The following FCRL5 variants were observed in gnomAD, a reference collection of about 807,000 sequenced individuals.
The protein encoded by FCRL5 is Fc receptor-like protein 5.
Under a neutral mutation model 92.1 loss-of-function variants are expected in FCRL5, and 79 were observed. That is an observed-to-expected ratio of 0.86 (90% CI 0.72 to 1.03). The LOEUF is 1.03. FCRL5 is among the 50% of genes least tolerant of loss of function. FCRL5 has a pLI of 0.00. For missense variants in FCRL5, 1,160 were observed against 1,181.1 expected (o/e 0.98, Z 0.26); for synonymous variants, 466 against 469.3 (o/e 0.99, Z 0.09).
At position 157,538,640 on chromosome 1, in the gene FCRL5, G is replaced by A. The variant is rs1972241; in HGVS notation, c.1402+446C>T. On this transcript the variant is annotated intron_variant, in intron 7 of 16. Transcript: ENST00000361835. ...CATGTTGGGTTAACTGTGATCCAGC[G>A]ACTTGTCTTTGTGTCTTACATGACT... 9.6e-3 allele frequency among the ~76,000 whole-genome samples: 1,457 copies of A among 152,320 alleles called. 14 individuals are homozygous for A. Among genetic ancestry groups the A allele is most frequent in the African/African-American group, 0.015 (633 of 41,570 alleles).
In FCRL5 at chr1:157,519,726, T is replaced by G. The variant is rs1332714; in HGVS notation, c.2660+17A>C. Reference sequence around the variant, plus strand: ...GGACATTTCACTAATCACACAGGAATGCAGCTCAGCTCTTACCTGGCGGGG... The same window carrying G: ...GGACATTTCACTAATCACACAGGAAGGCAGCTCAGCTCTTACCTGGCGGGG... On this transcript the variant is annotated intron_variant, in intron 13 of 16. Coordinates refer to ENST00000361835, the MANE Select transcript of FCRL5 (RefSeq NM_031281.3). 451,484 of 1,610,896 alleles carry G rather than the reference T, an allele frequency of 0.28. 67,239 individuals are homozygous for G. Among genetic ancestry groups the G allele is most frequent in the Middle Eastern group, 0.34 (2,038 of 6,014 alleles).
intron 7 of FCRL5, among the ~76,000 whole-genome samples, chr1:157,535,512 A>T (rs1429940080): frequency 7.9e-5 from 12 of 152,162 alleles, no homozygotes. Context: ...ACCTACATTT[A>T]TCATCTCTAC....
rs542784301 is a variant in FCRL5, at chr1:157,542,975, T to G, written c.1007A>C (p.Glu336Ala). The G allele has an allele frequency of 6.2e-7, 1 of 1,614,210 alleles. No homozygotes were observed. The highest frequency in any genetic ancestry group is 2.2e-5 in the East Asian group (1 of 44,890). The change falls in exon 6 of 17, where the codon GAA becomes GCA. Residue 336 changes from glutamate to alanine, a missense_variant. By Grantham distance (107) the Glu-to-Ala change is moderately radical. Coordinates refer to ENST00000361835, the MANE Select transcript of FCRL5 (RefSeq NM_031281.3). ...TGAGAAGCTGATGGATGCTCCCCTT[T>G]CACAGCGGACTGACTTGTGCCTCAG... Reference protein sequence around the residue: ...VPLRHKSVRCERGASISFSLT... With the variant: ...VPLRHKSVRCARGASISFSLT...
At chr1:157,546,414 C>G in intron 3 of FCRL5, 22 of 324,624 alleles carry the variant, frequency 6.8e-5, no homozygotes, top group Non-Finnish European at 9.7e-5. Context: ...CGCCACTGCA[C>G]TCCAGCCTGG....
intron 7 of FCRL5, among the ~76,000 whole-genome samples, chr1:157,538,467 T>A (rs1651083097): frequency 6.6e-6 from 1 of 152,218 alleles, no homozygotes; most frequent in South Asian, 2.1e-4. Flanking sequence ...ATGTCATAAC[T>A]ATTTGACAGT....
At chr1:157,531,926 T>C (rs1571090659) in intron 8 of FCRL5, 1 of 152,166 alleles carries the variant, frequency 6.6e-6, no homozygotes, top group Admixed American at 6.5e-5. Flanking sequence ...TGATGGTTAA[T>C]GGTCAGTTAT....
At chr1:157,527,578 G>T (rs549616196) in intron 9 of FCRL5, 39 bp downstream of exon 9, 5 of 1,533,064 alleles carry the variant, frequency 3.3e-6, no homozygotes, top group South Asian at 2.6e-5. Flanking sequence ...TAGGGGAGAT[G>T]GTCTTTTTAT....
At chr1:157,525,757 G>A (rs1479104349) in intron 9 of FCRL5, among the ~76,000 whole-genome samples, 1 of 152,174 alleles carries the variant, frequency 6.6e-6, no homozygotes, top group East Asian at 1.9e-4. Context: ...TGAGGGGTGA[G>A]GAAGAGAAAT....
chr1:157,543,404 G>A (rs1376582159), intron 5 of FCRL5, among the ~76,000 whole-genome samples: 1 of 152,164 alleles, frequency 6.6e-6, no homozygotes, highest in Non-Finnish European at 1.5e-5. Context: ...GGATTTATTT[G>A]CCATTGCTAG....
At chr1:157,549,696 A>G in intron 1 of FCRL5, 116 bp from the exon 2 acceptor site, 1 of 769,994 alleles carries the variant, frequency 1.3e-6, no homozygotes. Flanking sequence ...AATTCATTTA[A>G]AAACTCTAAT....
intron 9 of FCRL5, 41 bp downstream of exon 9, chr1:157,527,576 A>T: frequency 6.5e-7 from 1 of 1,530,162 alleles, no homozygotes; most frequent in South Asian, 1.3e-5. Context: ...GTTAGGGGAG[A>T]TGGTCTTTTT....
At chr1:157,539,022 G>T in intron 7 of FCRL5, 64 bp downstream of exon 7, 1 of 1,551,386 alleles carries the variant, frequency 6.4e-7, no homozygotes. Flanking sequence ...GCTGACTTCT[G>T]AAGGGTTGGG....
intron 8 of FCRL5, chr1:157,532,868 T>C (rs555131738): frequency 1.3e-5 from 2 of 152,164 alleles, no homozygotes; most frequent in Admixed American, 1.3e-4. Flanking sequence ...TATATTCATT[T>C]ACATCTTGTT....
chr1:157,532,915 G>C (rs1183531433), intron 8 of FCRL5: 1 of 152,016 alleles, frequency 6.6e-6, no homozygotes, highest in South Asian at 2.1e-4. Context: ...TTTCCAGAAG[G>C]CTTAGTGCAT....
chr1:157,523,456 G>A (rs1374251071), intron 10 of FCRL5, among the ~76,000 whole-genome samples: 1 of 152,172 alleles, frequency 6.6e-6, no homozygotes, highest in East Asian at 1.9e-4. Context: ...TATGGGAAGA[G>A]GTGCTTGGCC....
Position 157,542,915 on chromosome 1 carries a change from G to A in FCRL5, c.1067C>T (p.Thr356Ile). ...CTTGGCGCCAAGGCCATTGTCAGCT[G>A]TGCAGTAGTAGTTCCCTGAATTCTC... is the stretch of plus-strand genomic sequence containing the variant. ...TTENSGNYYC[T>I]ADNGLGAKPS... is the part of the protein sequence containing the mutation. The change falls in exon 6 of 17, where the codon ACA becomes ATA. Residue 356 changes from threonine (T) to isoleucine (I), a missense_variant. Physicochemically the swap from Thr to Ile is moderately conservative, Grantham distance 89. Coordinates refer to ENST00000361835, the MANE Select transcript of FCRL5 (RefSeq NM_031281.3). 6.2e-7 allele frequency: 1 copy of A among 1,614,108 alleles called. No homozygotes were observed. Among genetic ancestry groups the A allele is most frequent in the Non-Finnish European group, 8.5e-7 (1 of 1,180,034 alleles).
At chr1:157,518,907 A>G (rs920532520) in intron 13 of FCRL5, 125 bp from the exon 14 acceptor site, 8 of 648,916 alleles carry the variant, frequency 1.2e-5, no homozygotes, top group Non-Finnish European at 2.1e-5. Context: ...ACAAGTACAT[A>G]ACAAACTGAC....
intron 13 of FCRL5, 96 bp downstream of exon 13, chr1:157,519,647 G>A: frequency 7.3e-7 from 1 of 1,366,094 alleles, no homozygotes; most frequent in East Asian, 2.3e-5. Flanking sequence ...GCAGCACCTG[G>A]CAGAAACTGT....
In FCRL5 at chr1:157,534,857, C is replaced by T. The variant is rs139208993; in HGVS notation, c.1438G>A (p.Ala480Thr). 3.2e-6 allele frequency: 5 copies of T among 1,570,650 alleles called. No homozygotes were observed. Among genetic ancestry groups the T allele is most frequent in the African/African-American group, 2.7e-5 (2 of 73,578 alleles). ...GCTCCTTCAAAAGTCAGGGCCTCAG[C>T]AGAGCTGAGGGTGAGGACAGGATGA... ...VSHPVLTLSS[A>T]EALTFEGATV... The change falls in exon 8 of 17, where the codon GCT becomes ACT. Residue 480 changes from alanine to threonine, a missense_variant. Coordinates refer to ENST00000361835, the MANE Select transcript of FCRL5 (RefSeq NM_031281.3).
Sources: gnomAD v4.1 joint callset for allele counts (sites outside exome capture counted in the v4.1 genomes callset) on GRCh38, gnomAD v4.1.1 for gene constraint, MANE v1.5 for transcripts, NCBI Gene and HGNC (gene_info 2026-07-23, HGNC 2026-07-21) for gene names.